Variants in DMD observed in about 807,000 individuals in gnomAD.
The protein encoded by DMD is dystrophin, also known as mutant dystrophin.
A neutral mutation model predicts 330.1 loss-of-function variants in DMD; 63 were observed. The ratio of observed to expected loss-of-function variants is 0.19; its 90% CI spans 0.16 to 0.24. The LOEUF (loss-of-function observed/expected upper bound fraction) is 0.24, where lower values mean the gene tolerates loss of function less well. Ranked by LOEUF, DMD falls within the 10% of genes least tolerant of loss-of-function variation. DMD has a pLI of 1.00. For synonymous variants in DMD, 1,223 were observed against 959.8 expected, an observed-to-expected ratio of 1.27 and a Z score of -5.07; for missense variants, 3,344 against 2,684.1, an observed-to-expected ratio of 1.25 and a Z score of -5.43.
rs1603426089 is a variant in DMD at position 33,258,813 on chromosome X, A to G, written c.7+80446T>C. ...GGTTTGTTCGGATCTTAATTGTCTT[A>G]TGTAGTACATACTCAATTAAAACTC... On this transcript the variant is annotated intron_variant, in intron 1 of 17. Coordinates refer to the DMD transcript ENST00000288447. 3.6e-5 allele frequency among the ~76,000 whole-genome samples: 4 copies of G among 111,136 alleles called. No individual in the cohort carries two copies. The Middle Eastern group carries it at 0.019, about 515-fold the overall frequency.
At chrX:32,001,548 C>T (rs914026038) in intron 44 of DMD, among the ~76,000 whole-genome samples, 3 of 110,555 alleles carry the variant, frequency 2.7e-5, no homozygotes, top group African/African-American at 6.6e-5. Context: ...CTCACCCCCA[C>T]CCCACTGATT....
intron 13 of DMD, among the ~76,000 whole-genome samples, chrX:32,581,823 T>C (rs932976095): frequency 1.8e-5 from 2 of 111,296 alleles, no homozygotes; most frequent in African/African-American, 6.5e-5. Context: ...TCAAAGAAAA[T>C]CTAGCAATAC....
At chrX:32,217,296 C>A (rs749141868) in intron 43 of DMD, among the ~76,000 whole-genome samples, 89 of 110,956 alleles carry the variant, frequency 8.0e-4, no homozygotes, top group Non-Finnish European at 4.2e-4. Context: ...TGGAAGGTTG[C>A]AATTTTTCCC....
chrX:32,793,344 T>A (rs1252739296), intron 7 of DMD, among the ~76,000 whole-genome samples: 2 of 110,590 alleles, frequency 1.8e-5, no homozygotes, highest in Non-Finnish European at 3.8e-5. Context: ...GTTGAAATAT[T>A]TCAAACAATC....
intron 2 of DMD, among the ~76,000 whole-genome samples, chrX:32,872,890 G>A (rs2083105547): frequency 9.0e-6 from 1 of 111,564 alleles, no homozygotes; most frequent in Non-Finnish European, 1.9e-5. Flanking sequence ...ACATCAAGGA[G>A]GGCAAGAGAA....
chrX:32,337,562 A>G (rs930160560), intron 41 of DMD, among the ~76,000 whole-genome samples: 3 of 110,015 alleles, frequency 2.7e-5, no homozygotes, highest in African/African-American at 9.9e-5. Flanking sequence ...ATGTATACAT[A>G]TTTCAGAGGT....
At chrX:32,657,249 A>T (rs1416644902) in intron 9 of DMD, among the ~76,000 whole-genome samples, 1 of 111,683 alleles carries the variant, frequency 9.0e-6, no homozygotes, top group Non-Finnish European at 1.9e-5. Context: ...AATTCTCCTA[A>T]ATCAATGGAA....
At chrX:31,978,106 T>A (rs1001475502) in intron 44 of DMD, among the ~76,000 whole-genome samples, 3 of 112,005 alleles carry the variant, frequency 2.7e-5, no homozygotes, top group Non-Finnish European at 5.7e-5. Flanking sequence ...TAGGAACGCT[T>A]CCTTCTTAGG....
At chrX:32,505,947 G>A (rs765003628) in intron 18 of DMD, among the ~76,000 whole-genome samples, 4 of 112,082 alleles carry the variant, frequency 3.6e-5, no homozygotes, top group Non-Finnish European at 5.6e-5. Context: ...TTCCAATTCC[G>A]AATATATGAT....
intron 50 of DMD, among the ~76,000 whole-genome samples, chrX:31,801,677 A>C (rs1569429021): frequency 9.2e-6 from 1 of 108,111 alleles, no homozygotes; most frequent in Non-Finnish European, 1.9e-5. Flanking sequence ...TAGTCATATA[A>C]AATCATCATG....
At chrX:31,529,743 T>C (rs774082404) in intron 55 of DMD, among the ~76,000 whole-genome samples, 1 of 111,913 alleles carries the variant, frequency 8.9e-6, no homozygotes, top group East Asian at 2.8e-4. Flanking sequence ...ACACCTTCGG[T>C]TCTGTTTGCT....
chrX:31,829,791 C>T (rs1462450439), intron 49 of DMD, among the ~76,000 whole-genome samples: 2 of 112,035 alleles, frequency 1.8e-5, no homozygotes, highest in Admixed American at 1.9e-4. Flanking sequence ...AAATAAAGGA[C>T]TCTACCTACG....
chrX:32,670,807 T>C (rs2061585649), intron 9 of DMD, among the ~76,000 whole-genome samples: 1 of 112,217 alleles, frequency 8.9e-6, no homozygotes, highest in African/African-American at 3.2e-5. Flanking sequence ...TAAAAATAAA[T>C]GATTCAAAAG....
intron 11 of DMD, 38 bp downstream of exon 11, chrX:32,644,094 T>C: frequency 8.9e-7 from 1 of 1,123,438 alleles, no homozygotes; most frequent in Non-Finnish European, 1.2e-6. Flanking sequence ...CTTCCAAAAC[T>C]TGTTAGTCTT....
intron 44 of DMD, among the ~76,000 whole-genome samples, chrX:32,108,355 G>A (rs1185858316): frequency 8.9e-6 from 1 of 112,135 alleles, no homozygotes; most frequent in African/African-American, 3.2e-5. Flanking sequence ...AGAATCTCAT[G>A]CTACAGAGAT....
chrX:31,916,878 G>T (rs771427042), intron 47 of DMD, among the ~76,000 whole-genome samples: 7 of 112,540 alleles, frequency 6.2e-5, no homozygotes, highest in Non-Finnish European at 1.3e-4. Flanking sequence ...TGTTTCAAAG[G>T]TATAAATCAT....
intron 3 of DMD, 114 bp from the exon 4 acceptor site, chrX:32,844,974 C>A (rs778800423): frequency 4.8e-6 from 3 of 620,421 alleles, no homozygotes; most frequent in Non-Finnish European, 8.0e-6. Context: ...CGAACAGAGC[C>A]TGTGAGGCAT....
At chrX:31,830,582 G>A (rs755678395) in intron 49 of DMD, among the ~76,000 whole-genome samples, 2 of 112,086 alleles carry the variant, frequency 1.8e-5, no homozygotes, top group Non-Finnish European at 3.8e-5. Flanking sequence ...CAACAAGAGC[G>A]AAACTCCGTC....
intron 41 of DMD, among the ~76,000 whole-genome samples, chrX:32,335,998 ATATAAC>A (rs2097711440): frequency 2.6e-5 from 1 of 37,801 alleles, no homozygotes; most frequent in Non-Finnish European, 6.1e-5. Context: ...TAACGTGTAT[ATATAAC>A]GTTATATATA....
Sources: gnomAD v4.1 joint callset for allele counts (sites outside exome capture counted in the v4.1 genomes callset) on GRCh38, gnomAD v4.1.1 for gene constraint, MANE v1.5 for transcripts, NCBI Gene and HGNC (gene_info 2026-07-23, HGNC 2026-07-21) for gene names.